Variants in PTPRK observed in about 807,000 individuals in gnomAD.
PTPRK encodes receptor-type tyrosine-protein phosphatase kappa.
PTPRK carries 75 observed loss-of-function variants against 178.0 expected under a neutral mutation model. The observed-to-expected ratio is 0.42, with a 90% CI of 0.35 to 0.51. The LOEUF is 0.51. Among genes scored for constraint, PTPRK ranks in the 20% least tolerant of loss-of-function variants. The pLI is 0.02. For synonymous variants in PTPRK, 637 were observed against 620.6 expected (o/e 1.03, Z -0.39); for missense variants, 1,441 against 1,797.8 (o/e 0.80, Z 3.59).
intron 11 of PTPRK, among the ~76,000 whole-genome samples, chr6:128,070,472 T>C (rs763457953): frequency 7.9e-5 from 12 of 152,022 alleles, no homozygotes; most frequent in Non-Finnish European, 1.8e-4. Flanking sequence ...TCCAGAACTG[T>C]GAGAAATATT....
intron 1 of PTPRK, among the ~76,000 whole-genome samples, chr6:128,467,680 G>A (rs577637868): frequency 5.9e-5 from 9 of 152,162 alleles, no homozygotes; most frequent in African/African-American, 9.7e-5. Context: ...CTGGCCACTC[G>A]TAGGTTTCCT....
intron 3 of PTPRK, among the ~76,000 whole-genome samples, chr6:128,250,815 C>A (rs73592691): frequency 0.044 from 6,765 of 152,190 alleles, 502 homozygotes; most frequent in African/African-American, 0.15. Flanking sequence ...CTATTTTCAT[C>A]CATACATAAA....
rs1424472194 is a variant in PTPRK at position 128,077,547 on chromosome 6, G to A, written c.1883+1266C>T. Reference sequence around the variant, plus strand: ...TTTTGGTTATTTGGATGGCTAATACGTGCTCACGAAGTCAAATGTATTCCT... The same window carrying A: ...TTTTGGTTATTTGGATGGCTAATACATGCTCACGAAGTCAAATGTATTCCT... On this transcript the variant is annotated intron_variant, in intron 11 of 29. Transcript: ENST00000368226. Among the ~76,000 whole-genome samples, 5 of 150,056 alleles carry A rather than the reference G, an allele frequency of 3.3e-5. No individual in the cohort carries two copies. The South Asian group carries it at 8.3e-4, about 25-fold the overall frequency.
chr6:127,972,243 G>A (rs1340478710), intron 29 of PTPRK, among the ~76,000 whole-genome samples: 1 of 152,162 alleles, frequency 6.6e-6, no homozygotes, highest in Non-Finnish European at 1.5e-5. Flanking sequence ...TAAATGTAGG[G>A]CAAGCAACAA....
intron 6 of PTPRK, among the ~76,000 whole-genome samples, chr6:128,192,103 GAT>G (rs1420684839): frequency 6.6e-6 from 1 of 152,182 alleles, no homozygotes; most frequent in Non-Finnish European, 1.5e-5. Flanking sequence ...ATCATAAGGA[GAT>G]ACTTTCAGTC....
At chr6:128,448,853 T>G (rs568421288) in intron 1 of PTPRK, among the ~76,000 whole-genome samples, 20 of 149,932 alleles carry the variant, frequency 1.3e-4, no homozygotes, top group Non-Finnish European at 2.5e-4. Flanking sequence ...TTTGTTTGTC[T>G]GTTTGTTTTT....
At chr6:128,374,038 C>G (rs1157268925) in intron 2 of PTPRK, among the ~76,000 whole-genome samples, 1 of 152,040 alleles carries the variant, frequency 6.6e-6, no homozygotes, top group African/African-American at 2.4e-5. Context: ...AATCTCACAC[C>G]TTGTTTGTTA....
chr6:128,298,943 G>A (rs1196245684), intron 3 of PTPRK, among the ~76,000 whole-genome samples: 2 of 152,186 alleles, frequency 1.3e-5, no homozygotes, highest in Non-Finnish European at 2.9e-5. Flanking sequence ...CCTGTTTGCA[G>A]ACGACATGAT....
At chr6:128,050,843 T>A (rs1349787032) in intron 13 of PTPRK, among the ~76,000 whole-genome samples, 1 of 152,234 alleles carries the variant, frequency 6.6e-6, no homozygotes, top group Admixed American at 6.5e-5. Flanking sequence ...ATACAGCCGA[T>A]ACTAGGAATT....
chr6:128,372,937 T>C (rs577968952), intron 2 of PTPRK, among the ~76,000 whole-genome samples: 1 of 151,794 alleles, frequency 6.6e-6, no homozygotes, highest in South Asian at 2.1e-4. Flanking sequence ...TATGTGTGTG[T>C]ATATGTGAAT....
intron 17 of PTPRK, 117 bp downstream of exon 17, chr6:127,996,784 T>G: frequency 7.7e-7 from 1 of 1,297,338 alleles, no homozygotes; most frequent in Non-Finnish European, 1.0e-6. Flanking sequence ...AATGCTGTTT[T>G]AATATTAAAT....
intron 7 of PTPRK, among the ~76,000 whole-genome samples, chr6:128,106,033 A>T (rs1789665064): frequency 6.6e-6 from 1 of 152,232 alleles, no homozygotes; most frequent in Non-Finnish European, 1.5e-5. Context: ...CTGTGGAATC[A>T]GACTACAGGT....
intron 6 of PTPRK, among the ~76,000 whole-genome samples, chr6:128,217,695 G>A (rs1437611299): frequency 6.6e-6 from 1 of 152,012 alleles, no homozygotes; most frequent in Admixed American, 6.6e-5. Context: ...GTAGGCCTCG[G>A]CATGTGCTGT....
chr6:128,415,722 A>G (rs1842775085), intron 1 of PTPRK, among the ~76,000 whole-genome samples: 1 of 152,216 alleles, frequency 6.6e-6, no homozygotes. Flanking sequence ...TATGATTACA[A>G]TAATATTAAA....
At position 128,067,574 on chromosome 6, in the gene PTPRK, A is replaced by G; in HGVS notation, c.2102T>C (p.Leu701Ser). The G allele has an allele frequency of 6.2e-7, 1 of 1,612,086 alleles. No homozygotes were observed. Among genetic ancestry groups the G allele is most frequent in the South Asian group, 1.1e-5 (1 of 90,862 alleles). ...GATGTTGTATCCTTTGCGCGGAGCC[A>G]AAGGAGGGTTCCAAAAGCCTTGGTA... ...RTYQGFWNPPLAPRKGYNIYF... is the reference protein window; with the variant it reads ...RTYQGFWNPPSAPRKGYNIYF... Residue 701 changes from leucine (L) to serine (S), a missense_variant, in exon 12 of 30, where the codon TTG becomes TCG. By Grantham distance (145) the Leu-to-Ser change is moderately radical. This residue lies in a region of PTPRK where 945 missense variants were observed against 1,080.6 expected (regional missense o/e 0.87). Coordinates refer to ENST00000368226, the MANE Select transcript of PTPRK (RefSeq NM_002844.4).
intron 8 of PTPRK, among the ~76,000 whole-genome samples, chr6:128,087,477 AGAC>A (rs1229692664): frequency 6.6e-6 from 1 of 152,204 alleles, no homozygotes; most frequent in Non-Finnish European, 1.5e-5. Flanking sequence ...ATCTGTAGTT[AGAC>A]TTCTCATTTT....
At position 128,067,800 on chromosome 6, in the gene PTPRK, GA is replaced by G. The variant is rs2114943035; in HGVS notation, c.1884-9del. 6.4e-7 allele frequency: 1 copy of G among 1,558,190 alleles called. No homozygotes were observed. Among genetic ancestry groups the G allele is most frequent in the Non-Finnish European group, 8.7e-7 (1 of 1,153,224 alleles). ...ACAACAATCTGATAAGCACTTTGGGGAAAAGAAAAAAAGAACACACATATAT... is the reference window on the plus strand; with the variant it reads ...ACAACAATCTGATAAGCACTTTGGGGAAAGAAAAAAAGAACACACATATAT... On this transcript the variant is annotated splice_polypyrimidine_tract_variant and intron_variant, in intron 11 of 29. Transcript: ENST00000368226.
intron 2 of PTPRK, among the ~76,000 whole-genome samples, chr6:128,371,166 C>T (rs1185677537): frequency 2.6e-5 from 4 of 152,156 alleles, no homozygotes; most frequent in Admixed American, 2.0e-4. Flanking sequence ...TCAAAAAACA[C>T]TTTCTTTGTC....
At chr6:128,393,504 T>C (rs1839897626) in intron 2 of PTPRK, among the ~76,000 whole-genome samples, 1 of 152,138 alleles carries the variant, frequency 6.6e-6, no homozygotes, top group Non-Finnish European at 1.5e-5. Context: ...GATATGAGGA[T>C]AGAAGAAACA....
Sources: gnomAD v4.1 joint callset for allele counts (sites outside exome capture counted in the v4.1 genomes callset) on GRCh38, gnomAD v4.1.1 for gene constraint, gnomAD v4.1.1 regional missense constraint, MANE v1.5 for transcripts, NCBI Gene and HGNC (gene_info 2026-07-23, HGNC 2026-07-21) for gene names.